MDGA2: variants seen among roughly 807,000 people sequenced by gnomAD.
MDGA2 encodes the protein MAM domain containing glycosylphosphatidylinositol anchor 2, also known as MAM domain-containing glycosylphosphatidylinositol anchor protein 2.
In MDGA2, 40 loss-of-function variants were observed where a neutral mutation model predicts 117.8. That is an observed-to-expected ratio of 0.34 (90% confidence interval 0.26 to 0.44). The LOEUF (loss-of-function observed/expected upper bound fraction) is 0.44, where lower values mean the gene tolerates loss of function less well. MDGA2 is among the 20% of genes least tolerant of loss of function. MDGA2 has a pLI of 1.00. For synonymous variants in MDGA2, 452 were observed against 439.0 expected (o/e 1.03, Z -0.37); for missense variants, 1,123 against 1,250.6 (o/e 0.90, Z 1.54).
At chr14:46,942,243 T>A (rs1235724624) in intron 9 of MDGA2, among the ~76,000 whole-genome samples, 1 of 152,102 alleles carries the variant, frequency 6.6e-6, no homozygotes, top group Non-Finnish European at 1.5e-5. Context: ...AAAAATTAAT[T>A]TTGCTAAATT....
chr14:47,034,958 A>G, intron 8 of MDGA2, 53 bp downstream of exon 8: 1 of 1,490,218 alleles, frequency 6.7e-7, no homozygotes, highest in Non-Finnish European at 9.1e-7. Context: ...GAATAATGGT[A>G]ACACTTCTTC....
intron 1 of MDGA2, among the ~76,000 whole-genome samples, chr14:47,428,971 A>T (rs1303003012): frequency 6.6e-6 from 1 of 151,992 alleles, no homozygotes; most frequent in Non-Finnish European, 1.5e-5. Context: ...GTTATTATAT[A>T]AAAAAACTAA....
intron 1 of MDGA2, among the ~76,000 whole-genome samples, chr14:47,644,651 G>A (rs1229900256): frequency 2.0e-5 from 3 of 151,766 alleles, no homozygotes; most frequent in Admixed American, 6.6e-5. Context: ...GCACAACAGG[G>A]TGAAGACAGT....
chr14:46,856,112 G>C (rs773971166), intron 14 of MDGA2, among the ~76,000 whole-genome samples: 13 of 151,908 alleles, frequency 8.6e-5, no homozygotes, highest in Non-Finnish European at 1.6e-4. Flanking sequence ...CCACATTATA[G>C]ATGAGAAAAC....
chr14:46,901,016 T>C (rs1230063589), intron 10 of MDGA2, among the ~76,000 whole-genome samples: 1 of 151,938 alleles, frequency 6.6e-6, no homozygotes, highest in East Asian at 1.9e-4. Flanking sequence ...ATAAATGATT[T>C]TAAAAAGAAA....
At chr14:46,973,887 T>C (rs1886357579) in intron 8 of MDGA2, among the ~76,000 whole-genome samples, 1 of 113,004 alleles carries the variant, frequency 8.8e-6, no homozygotes, top group African/African-American at 3.5e-5. Context: ...CATTTCTTCC[T>C]TTTTAAATTA....
At chr14:47,261,607 G>C (rs1165022165) in intron 2 of MDGA2, among the ~76,000 whole-genome samples, 1 of 152,112 alleles carries the variant, frequency 6.6e-6, no homozygotes, top group Non-Finnish European at 1.5e-5. Context: ...AAGATGCCAA[G>C]TACAGCAGCA....
chr14:46,945,308 T>C (rs1261414259), intron 9 of MDGA2, among the ~76,000 whole-genome samples: 1 of 152,122 alleles, frequency 6.6e-6, no homozygotes, highest in Non-Finnish European at 1.5e-5. Context: ...AAGGAGTACC[T>C]AGAATAAGTC....
At chr14:46,979,163 T>C (rs1358436866) in intron 8 of MDGA2, among the ~76,000 whole-genome samples, 2 of 152,130 alleles carry the variant, frequency 1.3e-5, no homozygotes, top group African/African-American at 2.4e-5. Flanking sequence ...AACCTTTTTT[T>C]CAGTGATCTT....
chr14:47,312,254 G>A (rs891021132), intron 1 of MDGA2, among the ~76,000 whole-genome samples: 3 of 152,074 alleles, frequency 2.0e-5, no homozygotes, highest in Non-Finnish European at 4.4e-5. Context: ...ATTCACATAT[G>A]TGGCAATGTG....
At chr14:47,312,035 A>T (rs1889652056) in intron 1 of MDGA2, among the ~76,000 whole-genome samples, 1 of 152,126 alleles carries the variant, frequency 6.6e-6, no homozygotes. Context: ...TAAAGTAAAA[A>T]CATTTGTCTA....
intron 1 of MDGA2, among the ~76,000 whole-genome samples, chr14:47,655,439 T>C (rs1420348528): frequency 6.6e-6 from 1 of 152,062 alleles, no homozygotes; most frequent in Non-Finnish European, 1.5e-5. Flanking sequence ...GAAAGAACAT[T>C]ACACTGGTCC....
chr14:46,928,404 T>C (rs1358189189), intron 9 of MDGA2, among the ~76,000 whole-genome samples: 1 of 152,172 alleles, frequency 6.6e-6, no homozygotes, highest in Non-Finnish European at 1.5e-5. Flanking sequence ...TGCCCAGTCA[T>C]CTTTTTCTGA....
chr14:47,561,163 G>GTTTTTTTTTTTTTTTTTTTTTT (rs1309865250), intron 1 of MDGA2, among the ~76,000 whole-genome samples: 1 of 83,874 alleles, frequency 1.2e-5, no homozygotes, highest in Non-Finnish European at 2.4e-5. Flanking sequence ...GTTTTGTTTT[G>GTTTTTTTTTTTTTTTTTTTTTT]TTTTTTTGTT....
At chr14:46,870,817 T>G (rs1276258658) in intron 14 of MDGA2, 1 of 152,032 alleles carries the variant, frequency 6.6e-6, no homozygotes, top group Admixed American at 6.6e-5. Flanking sequence ...AAGTTAAAAG[T>G]ATATTATAAT....
At chr14:47,130,696 T>C (rs1240187523) in intron 5 of MDGA2, among the ~76,000 whole-genome samples, 2 of 152,162 alleles carry the variant, frequency 1.3e-5, no homozygotes, top group East Asian at 3.8e-4. Context: ...CACTCATTAA[T>C]TCTTTCTACA....
chr14:47,558,266 T>C (rs2138792075), intron 1 of MDGA2, among the ~76,000 whole-genome samples: 1 of 152,288 alleles, frequency 6.6e-6, no homozygotes, highest in African/African-American at 2.4e-5. Context: ...AAATAACCTG[T>C]GATAGGGTTG....
Position 47,072,101 on chromosome 14 carries a change from T to G in MDGA2, c.1196-10523A>C, listed in dbSNP as rs1411451097. ...AGGAAGTTTGTTGGTTGTTGTTGTTTGGGGGGGGGGGGGTTTGCAGGTATT... is the reference window on the plus strand; with the variant it reads ...AGGAAGTTTGTTGGTTGTTGTTGTTGGGGGGGGGGGGGGTTTGCAGGTATT... On this transcript the variant is annotated intron_variant, in intron 6 of 16. Transcript: ENST00000399232. 6.7e-3 allele frequency among the ~76,000 whole-genome samples: 343 copies of G among 51,564 alleles called. 3 individuals carry two copies. The highest frequency in any genetic ancestry group is 0.01 in the Non-Finnish European group (275 of 27,230). The allele number at this position is 51,564 out of a possible 152,430, so 33.8% of individuals were successfully genotyped here.
At chr14:47,323,349 G>C (rs1197888534) in intron 1 of MDGA2, among the ~76,000 whole-genome samples, 1 of 151,888 alleles carries the variant, frequency 6.6e-6, no homozygotes, top group African/African-American at 2.4e-5. Flanking sequence ...AAACAGTCCA[G>C]GTGCAGTGGC....
Sources: allele counts gnomAD v4.1 joint callset (sites outside exome capture counted in the v4.1 genomes callset), GRCh38; gene constraint gnomAD v4.1.1; transcripts MANE v1.5; gene names NCBI Gene and HGNC (gene_info 2026-07-23, HGNC 2026-07-21).